The following HDAC4 variants were observed in gnomAD, a reference collection of about 807,000 sequenced individuals.
The protein encoded by HDAC4 is histone deacetylase 4, also known as histone deacetylase A.
Under a neutral mutation model 135.1 loss-of-function variants are expected in HDAC4, and 16 were observed. That is an observed-to-expected ratio of 0.12 (90% CI 0.08 to 0.18). The LOEUF (loss-of-function observed/expected upper bound fraction) is 0.18. Ranked by LOEUF, HDAC4 falls within the 10% of genes least tolerant of loss-of-function variation. The pLI is 1.00. For missense variants in HDAC4, 1,143 were observed against 1,511.8 expected (o/e 0.76, Z 4.05); for synonymous variants, 685 against 653.4 (o/e 1.05, Z -0.74).
chr2:239,176,638 G>T, intron 4 of HDAC4, 75 bp from the exon 5 acceptor site: 1 of 1,431,876 alleles, frequency 7.0e-7, no homozygotes, highest in South Asian at 1.2e-5. Context: ...GAAGACCCAA[G>T]AAACCAGCCC....
chr2:239,395,544 T>TA (rs1268221142), intron 1 of HDAC4, among the ~76,000 whole-genome samples: 3 of 152,354 alleles, frequency 2.0e-5, no homozygotes, highest in Admixed American at 2.0e-4. Context: ...TTCAAATTAC[T>TA]ACTGTAAAAA....
Position 239,053,057 on chromosome 2 carries a change from A to G in HDAC4, c.*40T>C. Reference sequence around the variant, plus strand: ...AAGTTTCTTGGCTGAGCTTCAAGACAGAGACAGACAGACAAGAGAACAGCA... The same window carrying G: ...AAGTTTCTTGGCTGAGCTTCAAGACGGAGACAGACAGACAAGAGAACAGCA... On this transcript the variant is annotated 3_prime_UTR_variant, in exon 27 of 27. Transcript: ENST00000543185. 6.2e-7 allele frequency: 1 copy of G among 1,612,342 alleles called. No individual in the cohort carries two copies. Among genetic ancestry groups the G allele is most frequent in the Non-Finnish European group, 8.5e-7 (1 of 1,178,356 alleles).
chr2:239,393,726 C>A (rs892159322), intron 1 of HDAC4, among the ~76,000 whole-genome samples: 2 of 152,062 alleles, frequency 1.3e-5, no homozygotes, highest in Admixed American at 6.6e-5. Context: ...GTGCACCTGC[C>A]TGTTTAGCTC....
intron 9 of HDAC4, among the ~76,000 whole-genome samples, chr2:239,136,769 G>A (rs930979247): frequency 6.6e-6 from 1 of 152,210 alleles, no homozygotes; most frequent in African/African-American, 2.4e-5. Context: ...ACTGGCCATT[G>A]GGGATAGGAA....
intron 14 of HDAC4, among the ~76,000 whole-genome samples, chr2:239,108,889 G>A (rs1325805070): frequency 6.6e-6 from 1 of 152,212 alleles, no homozygotes; most frequent in Non-Finnish European, 1.5e-5. Flanking sequence ...CTCCTGGTGG[G>A]GGCCCCAGAA....
intron 7 of HDAC4, among the ~76,000 whole-genome samples, chr2:239,153,216 G>A (rs546142524): frequency 2.6e-5 from 4 of 152,330 alleles, no homozygotes; most frequent in South Asian, 4.1e-4. Flanking sequence ...AAAATGCATG[G>A]GGTGACGACA....
chr2:239,208,892 T>C (rs548591256), intron 3 of HDAC4, among the ~76,000 whole-genome samples: 1 of 152,348 alleles, frequency 6.6e-6, no homozygotes, highest in Non-Finnish European at 1.5e-5. Flanking sequence ...AGACTTTTTT[T>C]CTTTGTTTGA....
At chr2:239,362,822 A>C (rs1693944356) in intron 1 of HDAC4, among the ~76,000 whole-genome samples, 1 of 152,238 alleles carries the variant, frequency 6.6e-6, no homozygotes, top group African/African-American at 2.4e-5. Flanking sequence ...GCAGTAAGGC[A>C]AGAAAAGAAA....
At chr2:239,120,555 T>C (rs1282239777) in intron 12 of HDAC4, among the ~76,000 whole-genome samples, 1 of 129,736 alleles carries the variant, frequency 7.7e-6, no homozygotes, top group Non-Finnish European at 1.6e-5. Context: ...GAAGGGTGGG[T>C]ACAATGCCAG....
intron 19 of HDAC4, 127 bp from the exon 20 acceptor site, chr2:239,084,369 A>G: frequency 1.4e-6 from 1 of 707,110 alleles, no homozygotes; most frequent in Non-Finnish European, 2.6e-6. Flanking sequence ...AGAGCTCCTG[A>G]ATACGTCGCA....
intron 2 of HDAC4, among the ~76,000 whole-genome samples, chr2:239,312,973 T>G (rs1426112564): frequency 3.3e-5 from 5 of 152,130 alleles, no homozygotes; most frequent in African/African-American, 1.2e-4. Flanking sequence ...GGCCCCACGC[T>G]CCTCTCACTG....
At chr2:239,212,513 G>T (rs1239973132) in intron 3 of HDAC4, among the ~76,000 whole-genome samples, 3 of 152,238 alleles carry the variant, frequency 2.0e-5, no homozygotes, top group Non-Finnish European at 4.4e-5. Context: ...CTGAAGCCAG[G>T]CTGGTCTGAA....
At chr2:239,071,920 G>T (rs896040973) in intron 22 of HDAC4, among the ~76,000 whole-genome samples, 3 of 152,122 alleles carry the variant, frequency 2.0e-5, no homozygotes, top group African/African-American at 7.2e-5. Flanking sequence ...CTACAATTAG[G>T]GCATGAACTG....
At chr2:239,168,542 A>C (rs2043250449) in intron 5 of HDAC4, among the ~76,000 whole-genome samples, 1 of 152,226 alleles carries the variant, frequency 6.6e-6, no homozygotes, top group South Asian at 2.1e-4. Context: ...TATTTATTAG[A>C]TACTCAATAA....
At chr2:239,081,769 CG>C (rs1190919821) in intron 21 of HDAC4, among the ~76,000 whole-genome samples, 11 of 152,136 alleles carry the variant, frequency 7.2e-5, no homozygotes, top group African/African-American at 2.4e-4. Flanking sequence ...AGCCCCTTGC[CG>C]GAGGGTGTCC....
intron 24 of HDAC4, among the ~76,000 whole-genome samples, chr2:239,065,428 C>T (rs1321219952): frequency 2.6e-5 from 4 of 152,160 alleles, no homozygotes; most frequent in Admixed American, 1.3e-4. Context: ...CAGGTGAGGT[C>T]GGATGGTAGA....
upstream of HDAC4, chr2:239,401,459 C>T (rs898337036): frequency 6.1e-6 from 1 of 164,302 alleles, no homozygotes; most frequent in Middle Eastern, 2.8e-3. Context: ...GGCGCAGGGA[C>T]CGGGGGCCAG....
chr2:239,079,435 C>G (rs2035081552), intron 22 of HDAC4, among the ~76,000 whole-genome samples: 1 of 152,164 alleles, frequency 6.6e-6, no homozygotes, highest in Non-Finnish European at 1.5e-5. Flanking sequence ...GGTCTGTTCC[C>G]TCTGGGAACC....
intron 7 of HDAC4, among the ~76,000 whole-genome samples, chr2:239,151,213 G>A (rs548019479): frequency 6.6e-5 from 10 of 152,370 alleles, no homozygotes; most frequent in African/African-American, 1.7e-4. Flanking sequence ...TACACAGGGC[G>A]AAAGCCATGA....
Sources: allele counts gnomAD v4.1 joint callset (sites outside exome capture counted in the v4.1 genomes callset), GRCh38; gene constraint gnomAD v4.1.1; transcripts MANE v1.5; gene names NCBI Gene and HGNC (gene_info 2026-07-23, HGNC 2026-07-21).